Variants in JMJD1C observed in about 807,000 individuals in gnomAD.
JMJD1C encodes the protein jumonji domain-containing protein 1C.
JMJD1C carries 31 observed loss-of-function variants against 245.3 expected under a neutral mutation model. That is an observed-to-expected ratio of 0.13 (90% CI 0.09 to 0.17). JMJD1C has a LOEUF of 0.17. Ranked by LOEUF, JMJD1C falls within the 10% of genes least tolerant of loss-of-function variation. The pLI, the probability that JMJD1C is intolerant of heterozygous loss-of-function variation, is 1.00. For synonymous variants in JMJD1C, 1,057 were observed against 1,017.4 expected (o/e 1.04, Z -0.74); for missense variants, 2,691 against 3,000.2 (o/e 0.90, Z 2.41).
chr10:63,517,523 T>C (rs1369027423), intron 1 of JMJD1C, among the ~76,000 whole-genome samples: 1 of 152,174 alleles, frequency 6.6e-6, no homozygotes, highest in African/African-American at 2.4e-5. Flanking sequence ...ATACATTGCC[T>C]TCCTCAGAGA....
intron 2 of JMJD1C, among the ~76,000 whole-genome samples, chr10:63,303,876 TTTATCA>T (rs1193744388): frequency 4.6e-5 from 7 of 152,198 alleles, no homozygotes; most frequent in African/African-American, 1.7e-4. Context: ...AAGATTCTTG[TTTATCA>T]TTAATATTTC....
At chr10:63,409,267 A>AAC (rs1289097672) in intron 1 of JMJD1C, among the ~76,000 whole-genome samples, 1 of 152,202 alleles carries the variant, frequency 6.6e-6, no homozygotes, top group Non-Finnish European at 1.5e-5. Context: ...TCTGGGAGGG[A>AAC]TGGAACTGGC....
intron 1 of JMJD1C, among the ~76,000 whole-genome samples, chr10:63,454,882 G>A (rs1952312008): frequency 6.6e-6 from 1 of 152,184 alleles, no homozygotes; most frequent in Admixed American, 6.5e-5. Context: ...GTAAACTGCT[G>A]TCAGAATCTA....
chr10:63,188,480 T>G (rs1162204330), intron 18 of JMJD1C, among the ~76,000 whole-genome samples: 1 of 152,250 alleles, frequency 6.6e-6, no homozygotes, highest in Non-Finnish European at 1.5e-5. Context: ...TCTTACTGCC[T>G]ATGACAGAGA....
At chr10:63,202,222 C>T (rs1846100074) in intron 10 of JMJD1C, 7 of 865,808 alleles carry the variant, frequency 8.1e-6, no homozygotes, top group African/African-American at 5.5e-5. Context: ...CCACTGGATT[C>T]CAGCCTGGGT....
intron 2 of JMJD1C, among the ~76,000 whole-genome samples, chr10:63,379,007 T>A (rs1274710559): frequency 1.3e-5 from 2 of 152,110 alleles, no homozygotes; most frequent in Non-Finnish European, 2.9e-5. Context: ...TGCCACTGAT[T>A]CCATTCACTC....
intron 1 of JMJD1C, among the ~76,000 whole-genome samples, chr10:63,450,811 G>A (rs1308186916): frequency 6.6e-6 from 1 of 151,744 alleles, no homozygotes; most frequent in Non-Finnish European, 1.5e-5. Context: ...CATTGGACTA[G>A]TCAGAAACTT....
intron 2 of JMJD1C, among the ~76,000 whole-genome samples, chr10:63,273,086 C>A (rs929115181): frequency 2.0e-5 from 3 of 152,190 alleles, no homozygotes; most frequent in Non-Finnish European, 4.4e-5. Flanking sequence ...TAAAATAAGA[C>A]TGGCTTCTCC....
At chr10:63,234,836 G>C (rs2133430046) in intron 3 of JMJD1C, among the ~76,000 whole-genome samples, 1 of 151,804 alleles carries the variant, frequency 6.6e-6, no homozygotes, top group South Asian at 2.1e-4. Flanking sequence ...GATTGTACCA[G>C]GTATTACTCA....
chr10:63,393,558 A>G (rs1194243132), intron 1 of JMJD1C, among the ~76,000 whole-genome samples: 2 of 152,212 alleles, frequency 1.3e-5, no homozygotes, highest in African/African-American at 2.4e-5. Context: ...AGGAAAAGAT[A>G]TCAGCACATC....
chr10:63,464,730 G>T (rs1453224026), intron 1 of JMJD1C, among the ~76,000 whole-genome samples: 2 of 151,916 alleles, frequency 1.3e-5, no homozygotes, highest in African/African-American at 2.4e-5. Flanking sequence ...ATTCTGCATG[G>T]CATTTAACAT....
At chr10:63,510,191 G>C (rs1221889759) in intron 1 of JMJD1C, among the ~76,000 whole-genome samples, 1 of 151,876 alleles carries the variant, frequency 6.6e-6, no homozygotes, top group Non-Finnish European at 1.5e-5. Flanking sequence ...TTTTAGTAGA[G>C]AGAGGGTTTC....
At chr10:63,186,727 A>G (rs1844175114) in intron 18 of JMJD1C, among the ~76,000 whole-genome samples, 1 of 152,226 alleles carries the variant, frequency 6.6e-6, no homozygotes, top group African/African-American at 2.4e-5. Context: ...TAACGCAGAA[A>G]CCAGTAATGG....
intron 2 of JMJD1C, among the ~76,000 whole-genome samples, chr10:63,310,583 T>G (rs910588905): frequency 6.6e-6 from 1 of 152,140 alleles, no homozygotes; most frequent in Non-Finnish European, 1.5e-5. Flanking sequence ...TGGGAAAAAA[T>G]TTCATTCTTC....
In JMJD1C at chr10:63,292,143, G is replaced by GTTTTTTTTTTTTTT. The variant is rs1396774570; in HGVS notation, c.334-27380_334-27379insAAAAAAAAAAAAAA. ...ATTTTTTTTAGTTTCTGTAGAGACAGATTTTTTTTTTTTTTTTTTTGCCTA... is the reference window on the plus strand; with the variant it reads ...ATTTTTTTTAGTTTCTGTAGAGACAGTTTTTTTTTTTTTTATTTTTTTTTTTTTTTTTTTGCCTA... On this transcript the variant is annotated intron_variant, in intron 2 of 25. Coordinates refer to ENST00000399262, the MANE Select transcript of JMJD1C (RefSeq NM_032776.3). Among the ~76,000 whole-genome samples, 7 of 13,538 alleles carry GTTTTTTTTTTTTTT rather than the reference G, an allele frequency of 5.2e-4. 1 individual carries two copies. Among genetic ancestry groups the GTTTTTTTTTTTTTT allele is most frequent in the African/African-American group, 2.1e-3 (5 of 2,350 alleles). 8.9% of individuals were successfully genotyped at this position (13,538 alleles called of 152,430 possible).
chr10:63,428,066 C>CAT (rs745463338), intron 1 of JMJD1C: 342 of 538,764 alleles, frequency 6.3e-4, no homozygotes, highest in Non-Finnish European at 8.1e-4. Flanking sequence ...ACACAACACA[C>CAT]ATATATATAT....
intron 1 of JMJD1C, among the ~76,000 whole-genome samples, chr10:63,457,864 G>GT (rs1394777785): frequency 2.6e-5 from 4 of 152,090 alleles, no homozygotes; most frequent in East Asian, 1.9e-4. Flanking sequence ...TCAGTTTTTC[G>GT]TAAGTCAGCA....
At chr10:63,169,197 CAACAGTTTTCTCTCTCCTGACCA>C (rs1171201059) in intron 24 of JMJD1C, among the ~76,000 whole-genome samples, 19 of 152,106 alleles carry the variant, frequency 1.2e-4, no homozygotes, top group Non-Finnish European at 2.4e-4. Context: ...AACAGTTTTT[CAACAGTTTTCTCTCTCCTGACCA>C]AACAGTTTTC....
intron 2 of JMJD1C, among the ~76,000 whole-genome samples, chr10:63,375,691 T>C (rs770066582): frequency 6.6e-6 from 1 of 152,024 alleles, no homozygotes; most frequent in Non-Finnish European, 1.5e-5. Context: ...GCTGAGACTA[T>C]AGGCGTGAGC....
Sources: gnomAD v4.1 joint callset for allele counts (sites outside exome capture counted in the v4.1 genomes callset) on GRCh38, gnomAD v4.1.1 for gene constraint, MANE v1.5 for transcripts, NCBI Gene and HGNC (gene_info 2026-07-23, HGNC 2026-07-21) for gene names.